CCL16: variants seen among roughly 807,000 people sequenced by gnomAD.
The protein encoded by CCL16 is C-C motif chemokine 16.
CCL16 carries 6 observed loss-of-function variants against 7.5 expected under a neutral mutation model. The ratio of observed to expected loss-of-function variants is 0.80; its 90% CI spans 0.44 to 1.57. The LOEUF is 1.57. Among genes scored for constraint, CCL16 ranks in the 40% most tolerant of loss-of-function variants. The probability of loss-of-function intolerance (pLI) is 0.01; values close to 1 mark genes in which losing one functional copy is unlikely to be tolerated. For synonymous variants in CCL16, 60 were observed against 57.7 expected (o/e 1.04, Z -0.18); for missense variants, 134 against 142.9 (o/e 0.94, Z 0.32).
rs1039140225 is a variant in CCL16, at chr17:35,977,045, G to C, written c.*521C>G. The C allele has an allele frequency of 1.3e-5, 2 of 152,710 alleles. No individual in the cohort carries two copies. The highest frequency in any genetic ancestry group is 4.8e-5 in the African/African-American group (2 of 41,464). The allele number at this position is 152,710 out of a possible 1,614,324, so 9.5% of individuals were successfully genotyped here. A position where few individuals can be genotyped will look rare whatever the true frequency, so the allele number is the denominator to read the frequency against. ...TATTAAGAGTGCACTGGCCGGATGT[G>C]GTGGCTCACGCCTGTAATCCCAGCA... is the stretch of plus-strand genomic sequence containing the variant. On this transcript the variant is annotated 3_prime_UTR_variant, in exon 3 of 3. Coordinates refer to ENST00000611905, the MANE Select transcript of CCL16 (RefSeq NM_004590.4).
chr17:35,977,378 C>T lies in CCL16; in HGVS notation c.*188G>A, dbSNP rs1049467200. On this transcript the variant is annotated 3_prime_UTR_variant, in exon 3 of 3. Transcript: ENST00000611905. ...ATAAAAATAAAAGAGCGTACCTCTG[C>T]CCACGTCCCTTAACTTTGGTATTTC... is the stretch of plus-strand genomic sequence containing the variant. 3 of 461,622 alleles carry T rather than the reference C, an allele frequency of 6.5e-6. No homozygotes were observed. The highest frequency in any genetic ancestry group is 6.1e-5 in the African/African-American group (3 of 49,402). 28.6% of individuals were successfully genotyped at this position (461,622 alleles called of 1,614,324 possible). A position where few individuals can be genotyped will look rare whatever the true frequency, so the allele number is the denominator to read the frequency against.
At position 35,977,461 on chromosome 17, in the gene CCL16, C is replaced by T. The variant is rs1010540655; in HGVS notation, c.*105G>A. On this transcript the variant is annotated 3_prime_UTR_variant, in exon 3 of 3. Transcript: ENST00000611905. ...CTCCTTTATTTTGATCATTGTTCTG[C>T]TTCTCTCAATGTGACTGGCTAGTTT... is the stretch of plus-strand genomic sequence containing the variant. The T allele has an allele frequency of 1.5e-5, 14 of 941,190 alleles. No homozygotes were observed. In the Admixed American group the frequency reaches 3.1e-4, roughly 21 times the overall value. 58.3% of individuals were successfully genotyped at this position (941,190 alleles called of 1,614,324 possible).
intron 2 of CCL16, 108 bp downstream of exon 2, chr17:35,978,035 C>A (rs11080368): frequency 0.075 from 110,195 of 1,478,474 alleles, 4,708 homozygotes; most frequent in Admixed American, 0.17. Context: ...AACCCTTAGC[C>A]ACTGCTCCAC....
intron 1 of CCL16, among the ~76,000 whole-genome samples, chr17:35,980,792 G>C (rs1418079712): frequency 6.6e-6 from 1 of 152,098 alleles, no homozygotes; most frequent in African/African-American, 2.4e-5. Context: ...TAGGCTGGGG[G>C]ATGGAGAAGG....
In CCL16 at chr17:35,981,306, C is replaced by G. The variant is rs769851900; in HGVS notation, c.76+39G>C. 2.7e-6 allele frequency: 4 copies of G among 1,479,860 alleles called. No individual in the cohort carries two copies. In the East Asian group the frequency reaches 9.1e-5, roughly 34 times the overall value. 91.7% of individuals were successfully genotyped at this position (1,479,860 alleles called of 1,614,324 possible). ...ACCTCCCTGCCAGCTGCTCCATCCCCCTTTCTCGTTCCTGCCCTACAGAGA... is the reference window on the plus strand; with the variant it reads ...ACCTCCCTGCCAGCTGCTCCATCCCGCTTTCTCGTTCCTGCCCTACAGAGA... On this transcript the variant is annotated intron_variant, in intron 1 of 2. Transcript: ENST00000611905.
intron 2 of CCL16, 93 bp downstream of exon 2, chr17:35,978,050 T>C (rs2089652586): frequency 6.5e-7 from 1 of 1,546,874 alleles, no homozygotes; most frequent in Admixed American, 1.7e-5. Flanking sequence ...CTCCACTGCT[T>C]CTAGCATGGA....
intron 1 of CCL16, among the ~76,000 whole-genome samples, chr17:35,978,702 A>G (rs1255654527): frequency 2.0e-5 from 3 of 152,236 alleles, no homozygotes; most frequent in African/African-American, 7.2e-5. Context: ...CTACCACAGA[A>G]TGTGGTCCAG....
intron 1 of CCL16, among the ~76,000 whole-genome samples, chr17:35,979,139 AAAAG>A (rs2089662606): frequency 6.6e-6 from 1 of 151,298 alleles, no homozygotes; most frequent in African/African-American, 2.4e-5. Flanking sequence ...AGAAAAAAAA[AAAAG>A]GATTTAGACA....
Position 35,978,057 on chromosome 17 carries a change from T to C in CCL16, c.197+86A>G, listed in dbSNP as rs937216201. ...AGCCACTGCTCCACTGCTTCTAGCA[T>C]GGAGACCTCTTGATCCCATGTATCT... On this transcript the variant is annotated intron_variant, in intron 2 of 2. Coordinates refer to ENST00000611905, the MANE Select transcript of CCL16 (RefSeq NM_004590.4). The C allele has an allele frequency of 1.0e-5, 16 of 1,571,820 alleles. No homozygotes were observed. The African/African-American group carries it at 2.0e-4, about 20-fold the overall frequency.
Position 35,977,343 on chromosome 17 carries a change from A to T in CCL16, c.*223T>A, listed in dbSNP as rs1306921713. The T allele has an allele frequency of 9.1e-6, 3 of 328,340 alleles. No individual in the cohort carries two copies. Among genetic ancestry groups the T allele is most frequent in the Non-Finnish European group, 1.6e-5 (3 of 187,396 alleles). The allele number at this position is 328,340 out of a possible 1,614,324, so 20.3% of individuals were successfully genotyped here. A position where few individuals can be genotyped will look rare whatever the true frequency, so the allele number is the denominator to read the frequency against. On this transcript the variant is annotated 3_prime_UTR_variant, in exon 3 of 3. Transcript: ENST00000611905. ...GTAAGACCCTATCTCAAAAAAATAA[A>T]AATATAAATATAAAAATAAAAGAGC...
Position 35,977,299 on chromosome 17 carries a change from C to T in CCL16, c.*267G>A, listed in dbSNP as rs1427741576. ...AGTGAGCCAAGATCACACCACTGCA[C>T]TCCAGCCTGGGTGACAGAGTAAGAC... On this transcript the variant is annotated 3_prime_UTR_variant, in exon 3 of 3. Transcript: ENST00000611905. 2 of 198,688 alleles carry T rather than the reference C, an allele frequency of 1.0e-5. No homozygotes were observed. The highest frequency in any genetic ancestry group is 2.0e-5 in the Non-Finnish European group (2 of 100,554). 12.3% of individuals were successfully genotyped at this position (198,688 alleles called of 1,614,324 possible).
intron 1 of CCL16, 24 bp downstream of exon 1, chr17:35,981,320 GC>G: frequency 6.4e-7 from 1 of 1,564,838 alleles, no homozygotes; most frequent in Non-Finnish European, 8.8e-7. Context: ...TCTCGTTCCT[GC>G]CCTACAGAGA....
At chr17:35,978,059 G>A in intron 2 of CCL16, 84 bp downstream of exon 2, 1 of 1,572,882 alleles carries the variant, frequency 6.4e-7, no homozygotes, top group East Asian at 2.2e-5. Flanking sequence ...TTCTAGCATG[G>A]AGACCTCTTG....
At chr17:35,980,055 C>G (rs955822211) in intron 1 of CCL16, among the ~76,000 whole-genome samples, 19 of 152,162 alleles carry the variant, frequency 1.2e-4, no homozygotes, top group African/African-American at 2.9e-4. Context: ...CTGTTCCCCC[C>G]TCCCACACAG....
At chr17:35,978,004 GC>G in intron 2 of CCL16, 138 bp downstream of exon 2, 1 of 1,216,652 alleles carries the variant, frequency 8.2e-7, no homozygotes. Flanking sequence ...TTAATCCCAG[GC>G]CCCTGAGAGC....
At position 35,977,567 on chromosome 17, in the gene CCL16, C is replaced by T. The variant is rs2089647489; in HGVS notation, c.362G>A (p.Ter121=). The change falls in exon 3 of 3, where the codon TGA becomes TAA. Residue 121 remains the stop codon, a stop_retained_variant. Transcript: ENST00000611905. Reference sequence around the variant, plus strand: ...AGGGCTTCCACTAAAGCCTGGTCATCACTGGGAGTTGAGGAGCTGGGGTTG... The same window carrying T: ...AGGGCTTCCACTAAAGCCTGGTCATTACTGGGAGTTGAGGAGCTGGGGTTG... ...NGQPQLLNSQ[*] 8.1e-6 allele frequency: 13 copies of T among 1,612,470 alleles called. No homozygotes were observed. Among genetic ancestry groups the T allele is most frequent in the South Asian group, 1.1e-5 (1 of 90,974 alleles).
chr17:35,977,777 G>C, intron 2 of CCL16, 46 bp from the exon 3 acceptor site: 1 of 1,592,990 alleles, frequency 6.3e-7, no homozygotes, highest in Non-Finnish European at 8.6e-7. Flanking sequence ...ACTCGGGCAG[G>C]AGTCCGGTGC....
rs950801096 is a variant in CCL16, at chr17:35,977,007, A to T, written c.*559T>A. The T allele has an allele frequency of 2.0e-5, 3 of 152,262 alleles. No individual in the cohort carries two copies. The highest frequency in any genetic ancestry group is 4.4e-5 in the Non-Finnish European group (3 of 68,160). The allele number at this position is 152,262 out of a possible 1,614,324, so 9.4% of individuals were successfully genotyped here. A position where few individuals can be genotyped will look rare whatever the true frequency, so the allele number is the denominator to read the frequency against. ...AGAGAGCAGGAGAAGGATGTGAAAT[A>T]TATTTTTCTGTGTATTAAGAGTGCA... On this transcript the variant is annotated 3_prime_UTR_variant, in exon 3 of 3. Coordinates refer to ENST00000611905, the MANE Select transcript of CCL16 (RefSeq NM_004590.4).
chr17:35,979,457 T>C (rs1374937266), intron 1 of CCL16, among the ~76,000 whole-genome samples: 4 of 152,166 alleles, frequency 2.6e-5, no homozygotes, highest in African/African-American at 9.7e-5. Flanking sequence ...ATTTAGGCTT[T>C]GGGGTCAGAC....
Sources: allele counts gnomAD v4.1 joint callset (sites outside exome capture counted in the v4.1 genomes callset), GRCh38; gene constraint gnomAD v4.1.1; transcripts MANE v1.5; gene names NCBI Gene and HGNC (gene_info 2026-07-23, HGNC 2026-07-21).